ADAMTSL1: variants seen among roughly 807,000 people sequenced by gnomAD.
The protein encoded by ADAMTSL1 is ADAMTS like 1.
In ADAMTSL1, 126 loss-of-function variants were observed where a neutral mutation model predicts 201.8. The ratio of observed to expected loss-of-function variants is 0.62; its 90% CI spans 0.54 to 0.72. The LOEUF (loss-of-function observed/expected upper bound fraction) is 0.72, where lower values mean the gene tolerates loss of function less well. Ranked by LOEUF, ADAMTSL1 falls within the 30% of genes least tolerant of loss-of-function variation. The pLI, the probability that ADAMTSL1 is intolerant of heterozygous loss-of-function variation, is 0.00. For missense variants in ADAMTSL1, 2,679 were observed against 2,277.8 expected, an observed-to-expected ratio of 1.18 and a Z score of -3.59; for synonymous variants, 1,121 against 903.4, an observed-to-expected ratio of 1.24 and a Z score of -4.32.
At chr9:18,182,434 A>G (rs1695139770) in intron 2 of ADAMTSL1, among the ~76,000 whole-genome samples, 2 of 152,214 alleles carry the variant, frequency 1.3e-5, no homozygotes, top group South Asian at 4.1e-4. Context: ...TTAAGAAGGG[A>G]AAACAAAGAC....
At chr9:18,555,651 T>C (rs1821063705) in intron 3 of ADAMTSL1, among the ~76,000 whole-genome samples, 2 of 151,320 alleles carry the variant, frequency 1.3e-5, no homozygotes, top group Admixed American at 6.6e-5. Context: ...CCAGAGGGAG[T>C]TGCCTCACAC....
chr9:18,663,801 T>C (rs938018297), intron 9 of ADAMTSL1, among the ~76,000 whole-genome samples: 4 of 152,074 alleles, frequency 2.6e-5, no homozygotes, highest in Admixed American at 1.3e-4. Context: ...TTGAAAGAAA[T>C]GTTTATAATA....
At chr9:18,079,858 T>C (rs1223587026) in intron 1 of ADAMTSL1, among the ~76,000 whole-genome samples, 1 of 152,122 alleles carries the variant, frequency 6.6e-6, no homozygotes, top group Non-Finnish European at 1.5e-5. Flanking sequence ...GGGGTGATTT[T>C]GTTGAGGGAC....
At chr9:18,897,946 C>T (rs1053734497) in intron 26 of ADAMTSL1, among the ~76,000 whole-genome samples, 4 of 151,104 alleles carry the variant, frequency 2.6e-5, no homozygotes, top group Non-Finnish European at 4.4e-5. Flanking sequence ...GGGAGGCCGA[C>T]GCAGGTGGAT....
intron 3 of ADAMTSL1, among the ~76,000 whole-genome samples, chr9:18,560,902 C>CTTTTTTTTTTT (rs1587565690): frequency 2.0e-5 from 3 of 147,992 alleles, no homozygotes; most frequent in South Asian, 2.2e-4. Flanking sequence ...CTCTTTTTTT[C>CTTTTTTTTTTT]TTTATTAGTC....
chr9:18,710,631 C>T (rs995880619), intron 14 of ADAMTSL1, among the ~76,000 whole-genome samples: 1 of 149,148 alleles, frequency 6.7e-6, no homozygotes, highest in African/African-American at 2.5e-5. Flanking sequence ...CCTTACTTTC[C>T]CCATTCCTTG....
At position 18,864,013 on chromosome 9, in the gene ADAMTSL1, C is replaced by T. The variant is rs1040199634; in HGVS notation, c.4250-23818C>T. On this transcript the variant is annotated intron_variant, in intron 23 of 28. Coordinates refer to ENST00000380548, the MANE Select transcript of ADAMTSL1 (RefSeq NM_001040272.6). ...GGATTGTAATGAAAATGCTGACAGG[C>T]CTGGAGCCAGCTCATGAAGTAATAA... is the stretch of plus-strand genomic sequence containing the variant. 5.3e-4 allele frequency among the ~76,000 whole-genome samples: 80 copies of T among 152,302 alleles called. 1 individual carries two copies. Among genetic ancestry groups the T allele is most frequent in the Middle Eastern group, 6.8e-3 (2 of 294 alleles).
intron 2 of ADAMTSL1, among the ~76,000 whole-genome samples, chr9:18,241,535 T>C (rs1466544311): frequency 1.3e-5 from 2 of 152,140 alleles, no homozygotes; most frequent in Non-Finnish European, 2.9e-5. Flanking sequence ...AGCCAAAATG[T>C]GTTTCTTCTC....
chr9:18,766,091 G>C (rs1339457675), intron 16 of ADAMTSL1, among the ~76,000 whole-genome samples: 1 of 152,158 alleles, frequency 6.6e-6, no homozygotes, highest in East Asian at 1.9e-4. Context: ...AGGGAAAGGG[G>C]GGGTGTCGTA....
At chr9:18,232,514 T>A (rs568009479) in intron 2 of ADAMTSL1, among the ~76,000 whole-genome samples, 3 of 152,374 alleles carry the variant, frequency 2.0e-5, no homozygotes, top group South Asian at 4.1e-4. Context: ...GTCCCTTTTT[T>A]TCGCTGATGT....
At chr9:18,222,842 G>A (rs530800733) in intron 2 of ADAMTSL1, among the ~76,000 whole-genome samples, 1 of 151,576 alleles carries the variant, frequency 6.6e-6, no homozygotes, top group African/African-American at 2.4e-5. Flanking sequence ...ACAATTCCAG[G>A]TTGATATTTA....
intron 7 of ADAMTSL1, among the ~76,000 whole-genome samples, chr9:18,642,916 C>A (rs551912768): frequency 1.3e-5 from 2 of 151,398 alleles, no homozygotes. Context: ...CTTCAACATA[C>A]TGATTTCATT....
At chr9:18,661,772 G>A (rs148625476) in intron 8 of ADAMTSL1, among the ~76,000 whole-genome samples, 163 bp from the exon 9 acceptor site, 2 of 152,284 alleles carry the variant, frequency 1.3e-5, no homozygotes, top group Non-Finnish European at 2.9e-5. Context: ...AGTACTTGAG[G>A]TCTGCAAAAA....
chr9:18,473,185 A>G (rs1214339124), upstream of ADAMTSL1, among the ~76,000 whole-genome samples: 1 of 152,196 alleles, frequency 6.6e-6, no homozygotes, highest in Non-Finnish European at 1.5e-5. Context: ...CTGATAAAGG[A>G]CGTGGGTGAG....
In ADAMTSL1 at chr9:18,561,334, G is replaced by A. The variant is rs574721365; in HGVS notation, c.238-12696G>A. Among the ~76,000 whole-genome samples, 98 of 152,302 alleles carry A rather than the reference G, an allele frequency of 6.4e-4. 1 individual carries two copies. The Middle Eastern group carries it at 0.01, about 16-fold the overall frequency. ...CAGGCTGTTCAGTTTCCATGTAGTT[G>A]TGCAGTTTTGAGTGAGTTTCTTAAT... On this transcript the variant is annotated intron_variant, in intron 3 of 28. Transcript: ENST00000380548.
intron 1 of ADAMTSL1, among the ~76,000 whole-genome samples, chr9:18,145,825 G>T (rs753289142): frequency 6.6e-6 from 1 of 152,076 alleles, no homozygotes; most frequent in South Asian, 2.1e-4. Context: ...CCATAGAATG[G>T]GAGAAAATGT....
intron 14 of ADAMTSL1, among the ~76,000 whole-genome samples, chr9:18,711,742 A>G (rs1190161890): frequency 6.6e-6 from 1 of 152,162 alleles, no homozygotes; most frequent in Non-Finnish European, 1.5e-5. Context: ...GGTGGAGCCC[A>G]CCACAGCTCA....
upstream of ADAMTSL1, among the ~76,000 whole-genome samples, chr9:18,473,021 G>C (rs1343316145): frequency 6.6e-6 from 1 of 152,092 alleles, no homozygotes; most frequent in East Asian, 1.9e-4. Context: ...TGACCTTCTC[G>C]TTGCTGTTGC....
At chr9:18,478,781 A>T (rs1315859650) in intron 1 of ADAMTSL1, among the ~76,000 whole-genome samples, 1 of 152,238 alleles carries the variant, frequency 6.6e-6, no homozygotes, top group Admixed American at 6.5e-5. Flanking sequence ...CCTACTGGTT[A>T]ACTGTATTGA....
Sources: gnomAD v4.1 joint callset for allele counts (sites outside exome capture counted in the v4.1 genomes callset) on GRCh38, gnomAD v4.1.1 for gene constraint, MANE v1.5 for transcripts, NCBI Gene and HGNC (gene_info 2026-07-23, HGNC 2026-07-21) for gene names.